BBOX1: variants seen among roughly 807,000 people sequenced by gnomAD.
BBOX1 encodes gamma-butyrobetaine dioxygenase.
In BBOX1, 35 loss-of-function variants were observed where a neutral mutation model predicts 41.6. The observed-to-expected ratio is 0.84, with a 90% CI of 0.64 to 1.11. The LOEUF (loss-of-function observed/expected upper bound fraction) is 1.11. Among genes scored for constraint, BBOX1 ranks in the 50% most tolerant of loss-of-function variants. The probability of loss-of-function intolerance (pLI) is 0.00; values close to 1 mark genes in which losing one functional copy is unlikely to be tolerated. For synonymous variants in BBOX1, 163 were observed against 154.7 expected (o/e 1.05, Z -0.40); for missense variants, 458 against 460.6 (o/e 0.99, Z 0.05).
At chr11:27,089,554 G>T (rs1158266905) in intron 4 of BBOX1, among the ~76,000 whole-genome samples, 1 of 151,956 alleles carries the variant, frequency 6.6e-6, no homozygotes, top group Non-Finnish European at 1.5e-5. Flanking sequence ...AATTACCACA[G>T]TGCCAGAAAA....
At chr11:27,087,093 T>A (rs944601554) in intron 4 of BBOX1, among the ~76,000 whole-genome samples, 3 of 152,114 alleles carry the variant, frequency 2.0e-5, no homozygotes, top group African/African-American at 7.2e-5. Flanking sequence ...CTGGTGAAGA[T>A]GATGTGGACA....
At chr11:27,049,528 G>A (rs1330116783) in intron 2 of BBOX1, among the ~76,000 whole-genome samples, 3 of 152,048 alleles carry the variant, frequency 2.0e-5, no homozygotes, top group Non-Finnish European at 4.4e-5. Flanking sequence ...GGGATTACAG[G>A]CATGTACCAC....
chr11:27,104,778 C>G (rs559903997), intron 5 of BBOX1, among the ~76,000 whole-genome samples: 1 of 152,134 alleles, frequency 6.6e-6, no homozygotes, highest in African/African-American at 2.4e-5. Flanking sequence ...GATCTGAGAA[C>G]GGACAGACTG....
intron 5 of BBOX1, among the ~76,000 whole-genome samples, chr11:27,109,451 C>A (rs1328200119): frequency 3.3e-5 from 5 of 151,836 alleles, no homozygotes; most frequent in Admixed American, 1.3e-4. Context: ...ACCGTTTGAA[C>A]CTAAAGACCA....
At chr11:27,126,956 G>A (rs1452421239) in intron 8 of BBOX1, among the ~76,000 whole-genome samples, 4 of 152,136 alleles carry the variant, frequency 2.6e-5, no homozygotes, top group Non-Finnish European at 5.9e-5. Flanking sequence ...TTACAGGCGT[G>A]AGCCACCGCG....
chr11:27,105,623 T>G (rs1240388103), intron 5 of BBOX1, among the ~76,000 whole-genome samples: 3 of 152,066 alleles, frequency 2.0e-5, no homozygotes, highest in African/African-American at 7.2e-5. Context: ...CTGATTGGGG[T>G]ACCTGAAAGT....
intron 4 of BBOX1, among the ~76,000 whole-genome samples, chr11:27,088,682 G>T (rs952770791): frequency 6.6e-6 from 1 of 151,912 alleles, no homozygotes; most frequent in African/African-American, 2.4e-5. Flanking sequence ...CATGATGATA[G>T]TACTTCAAGG....
intron 4 of BBOX1, among the ~76,000 whole-genome samples, chr11:27,082,711 T>C (rs1301290715): frequency 6.6e-6 from 1 of 152,156 alleles, no homozygotes; most frequent in African/African-American, 2.4e-5. Flanking sequence ...AATTAATCCA[T>C]ATAAAGTCCT....
intron 4 of BBOX1, chr11:27,062,963 G>A (rs1220595181): frequency 6.6e-6 from 1 of 152,318 alleles, no homozygotes; most frequent in African/African-American, 2.4e-5. Flanking sequence ...AATCACATCT[G>A]TGTTGTAGAA....
intron 5 of BBOX1, among the ~76,000 whole-genome samples, chr11:27,110,518 T>G (rs551174128): frequency 6.6e-6 from 1 of 152,044 alleles, no homozygotes; most frequent in East Asian, 1.9e-4. Flanking sequence ...ACACTAAACA[T>G]ACTCCGAACT....
chr11:27,075,979 C>G (rs769647740), intron 4 of BBOX1, among the ~76,000 whole-genome samples: 7 of 152,222 alleles, frequency 4.6e-5, no homozygotes, highest in Admixed American at 4.6e-4. Flanking sequence ...ATCTGTGCCT[C>G]TACTGAAAGA....
intron 5 of BBOX1, among the ~76,000 whole-genome samples, chr11:27,103,034 C>CA (rs1455493788): frequency 1.3e-5 from 2 of 151,776 alleles, no homozygotes; most frequent in South Asian, 2.1e-4. Flanking sequence ...ACTAAAAATA[C>CA]AAAAAAATAG....
chr11:27,110,593 C>T (rs527604934), intron 5 of BBOX1, among the ~76,000 whole-genome samples: 1 of 152,020 alleles, frequency 6.6e-6, no homozygotes, highest in South Asian at 2.1e-4. Flanking sequence ...TTCTCCTTCC[C>T]TTATTTTGTT....
chr11:27,055,351 T>A (rs1440561831), intron 2 of BBOX1, 42 bp from the exon 3 acceptor site: 1 of 1,430,680 alleles, frequency 7.0e-7, no homozygotes. Context: ...CAAGTTTAGA[T>A]CTTATCTGCC....
At chr11:27,060,279 G>C (rs1857100192) in intron 4 of BBOX1, among the ~76,000 whole-genome samples, 1 of 152,028 alleles carries the variant, frequency 6.6e-6, no homozygotes, top group Admixed American at 6.5e-5. Context: ...TCCCTTATCT[G>C]TTTCTCCTGC....
At chr11:27,043,418 C>CATGTGCAGACTGTGCAG (rs1482284669) in intron 2 of BBOX1, among the ~76,000 whole-genome samples, 1 of 150,150 alleles carries the variant, frequency 6.7e-6, no homozygotes, top group Non-Finnish European at 1.5e-5. Flanking sequence ...AGAATGTGCA[C>CATGTGCAGACTGTGCAG]GTTTGGGGTA....
chr11:27,104,609 G>A lies in BBOX1; in HGVS notation c.534-10843G>A, dbSNP rs766057989. ...TTGAGTAAGAGCTATTCTAGATATC[G>A]GAAAGGTTATCTTCGTTTCTCTAGT... On this transcript the variant is annotated intron_variant, in intron 5 of 8. Coordinates refer to ENST00000263182, the MANE Select transcript of BBOX1 (RefSeq NM_003986.3). Among the ~76,000 whole-genome samples, 12 of 152,182 alleles carry A rather than the reference G, an allele frequency of 7.9e-5. 1 individual carries two copies. The highest frequency in any genetic ancestry group is 1.6e-4 in the Non-Finnish European group (11 of 68,000).
At chr11:27,054,103 T>G (rs1333738728) in intron 2 of BBOX1, among the ~76,000 whole-genome samples, 1 of 152,102 alleles carries the variant, frequency 6.6e-6, no homozygotes. Flanking sequence ...CTTCCCATAA[T>G]CTCAAGAAGG....
At chr11:27,091,500 TTGTC>T (rs1858241699) in intron 4 of BBOX1, among the ~76,000 whole-genome samples, 1 of 151,946 alleles carries the variant, frequency 6.6e-6, no homozygotes, top group Non-Finnish European at 1.5e-5. Context: ...TCATGCCTCA[TTGTC>T]TGTTATTGAT....
Sources: gnomAD v4.1 joint callset for allele counts (sites outside exome capture counted in the v4.1 genomes callset) on GRCh38, gnomAD v4.1.1 for gene constraint, MANE v1.5 for transcripts, NCBI Gene and HGNC (gene_info 2026-07-23, HGNC 2026-07-21) for gene names.